Variants in PGLYRP4 observed in about 807,000 individuals in gnomAD.
PGLYRP4 encodes the protein peptidoglycan recognition protein 4, also known as PGRP-I-beta.
PGLYRP4 carries 39 observed loss-of-function variants against 41.2 expected under a neutral mutation model. The ratio of observed to expected loss-of-function variants is 0.95; its 90% CI spans 0.73 to 1.24. PGLYRP4 has a LOEUF of 1.24. Among genes scored for constraint, PGLYRP4 ranks in the 50% most tolerant of loss-of-function variants. The pLI, the probability that PGLYRP4 is intolerant of heterozygous loss-of-function variation, is 0.00. For missense variants in PGLYRP4, 467 were observed against 460.7 expected, an observed-to-expected ratio of 1.01 and a Z score of -0.13; for synonymous variants, 202 against 186.8, an observed-to-expected ratio of 1.08 and a Z score of -0.66.
chr1:153,341,845 G>A lies in PGLYRP4; in HGVS notation c.473-66C>T, dbSNP rs982102703. On this transcript the variant is annotated intron_variant, in intron 5 of 8. Coordinates refer to ENST00000359650, the MANE Select transcript of PGLYRP4 (RefSeq NM_020393.4). ...AGTTTCAGGGGATCTTTTGGGGAAG[G>A]AGAAGATGCTCTGCCAGCCCCTGCA... The A allele has an allele frequency of 4.6e-6, 7 of 1,513,886 alleles. 1 individual carries two copies. In the African/African-American group the frequency reaches 5.5e-5, roughly 12 times the overall value. The allele number at this position is 1,513,886 out of a possible 1,614,324, so 93.8% of individuals were successfully genotyped here.
At chr1:153,340,674 C>G in intron 6 of PGLYRP4, 95 bp from the exon 7 acceptor site, 1 of 1,248,464 alleles carries the variant, frequency 8.0e-7, no homozygotes, top group Non-Finnish European at 1.1e-6. Flanking sequence ...GGACCCTCAA[C>G]TTCCCAAACC....
chr1:153,345,272 C>T lies in PGLYRP4; in HGVS notation c.250G>A (p.Val84Ile). 2 of 1,614,168 alleles carry T rather than the reference C, an allele frequency of 1.2e-6. No homozygotes were observed. The highest frequency in any genetic ancestry group is 1.7e-6 in the Non-Finnish European group (2 of 1,180,008). ...TGGTCGTGACACTCCAGTCCAGGGA[C>T]ATGGTGTATAACAAGGACATTCACT... ...TPVNVLVIHH[V>I]PGLECHDQTV... The change falls in exon 4 of 9, where the codon GTC (valine) becomes ATC (isoleucine). Residue 84 changes from valine to isoleucine, a missense_variant. Coordinates refer to ENST00000359650, the MANE Select transcript of PGLYRP4 (RefSeq NM_020393.4).
At chr1:153,341,436 A>G (rs3014859) in intron 6 of PGLYRP4, among the ~76,000 whole-genome samples, 191 bp downstream of exon 6, 123,196 of 152,186 alleles carry the variant, frequency 0.81, 50,189 homozygotes, top group Middle Eastern at 0.87. Flanking sequence ...GAGGAATCTG[A>G]GGGACAAAGA....
chr1:153,341,570 C>T lies in PGLYRP4; in HGVS notation c.625+57G>A, dbSNP rs184337191. On this transcript the variant is annotated intron_variant, in intron 6 of 8. Transcript: ENST00000359650. ...AAAAGGTCACTCCCAATGGTATTTG[C>T]GAGTTAGTTGGGGTGAGCCCAGTGG... The T allele has an allele frequency of 2.0e-3, 2,937 of 1,480,828 alleles. 13 individuals are homozygous for T. The highest frequency in any genetic ancestry group is 2.4e-3 in the Non-Finnish European group (2,563 of 1,084,702). The allele number at this position is 1,480,828 out of a possible 1,614,324, so 91.7% of individuals were successfully genotyped here.
intron 5 of PGLYRP4, among the ~76,000 whole-genome samples, chr1:153,342,104 A>C (rs752195258): frequency 6.6e-6 from 1 of 152,180 alleles, no homozygotes; most frequent in African/African-American, 2.4e-5. Context: ...CCCTCCAGGC[A>C]TGTGTCAGGC....
At chr1:153,345,586 C>T (rs1273431080) in intron 3 of PGLYRP4, among the ~76,000 whole-genome samples, 3 of 152,174 alleles carry the variant, frequency 2.0e-5, no homozygotes, top group Admixed American at 6.5e-5. Flanking sequence ...GAGCCTAATG[C>T]TTTGCTCCCC....
intron 3 of PGLYRP4, 28 bp from the exon 4 acceptor site, chr1:153,345,410 C>A (rs1451411322): frequency 6.3e-7 from 1 of 1,589,036 alleles, no homozygotes; most frequent in Non-Finnish European, 8.6e-7. Context: ...GCGCACCTGC[C>A]CCATCACTAC....
chr1:153,332,857 A>G (rs1245357874), intron 8 of PGLYRP4, among the ~76,000 whole-genome samples: 1 of 152,184 alleles, frequency 6.6e-6, no homozygotes, highest in Non-Finnish European at 1.5e-5. Context: ...CAACATACCA[A>G]AGCCTCTGGG....
Position 153,343,396 on chromosome 1 carries a change from C to G in PGLYRP4, c.354-188G>C, listed in dbSNP as rs184253312. The stretch of plus-strand genomic sequence containing the variant: ...ACTAGTCCTTAGAATTCAGAAGGAC[C>G]CACTCTCACACTCCCTACCCCCTTC... On this transcript the variant is annotated intron_variant, in intron 4 of 8. Transcript: ENST00000359650. Among the ~76,000 whole-genome samples the G allele has an allele frequency of 6.6e-5, 10 of 152,254 alleles. No homozygotes were observed. In the South Asian group the frequency reaches 1.2e-3, roughly 19 times the overall value.
rs751451283 is a variant in PGLYRP4 at position 153,330,933 on chromosome 1, T to C, written c.956A>G (p.Asn319Ser). 1 of 1,613,082 alleles carries C rather than the reference T, an allele frequency of 6.2e-7. No homozygotes were observed. The highest frequency in any genetic ancestry group is 1.7e-5 in the Admixed American group (1 of 59,954). The change falls in exon 9 of 9, where the codon AAT (asparagine) becomes AGT (serine). Residue 319 changes from asparagine to serine, a missense_variant. Coordinates refer to ENST00000359650, the MANE Select transcript of PGLYRP4 (RefSeq NM_020393.4). ...FMGTFTGIPP[N>S]AAALEAAQDL... ...TTGGGCTGCCTCTAGTGCTGCAGCATTGGGTGGTATACCTGCAAAACACAG... is the reference window on the plus strand; with the variant it reads ...TTGGGCTGCCTCTAGTGCTGCAGCACTGGGTGGTATACCTGCAAAACACAG...
At position 153,330,167 on chromosome 1, in the gene PGLYRP4, A is replaced by G. The variant is rs1660275897; in HGVS notation, c.*600T>C. ...TTCATCCATTTCTCTAATAAACATC[A>G]GTAGAACCCATTAAATTTCAGACAC... is the stretch of plus-strand genomic sequence containing the variant. On this transcript the variant is annotated 3_prime_UTR_variant, in exon 9 of 9. Coordinates refer to ENST00000359650, the MANE Select transcript of PGLYRP4 (RefSeq NM_020393.4). The G allele has an allele frequency of 6.6e-6, 1 of 152,270 alleles. No individual in the cohort carries two copies. Among genetic ancestry groups the G allele is most frequent in the Admixed American group, 6.5e-5 (1 of 15,292 alleles). The allele number at this position is 152,270 out of a possible 1,614,324, so 9.4% of individuals were successfully genotyped here. A position where few individuals can be genotyped will look rare whatever the true frequency, so the allele number is the denominator to read the frequency against.
At chr1:153,331,708 C>T (rs1172718047) in intron 8 of PGLYRP4, 9 of 152,516 alleles carry the variant, frequency 5.9e-5, no homozygotes, top group East Asian at 1.9e-4. Context: ...CATGCAAATT[C>T]GTGAAGCATT....
In PGLYRP4 at chr1:153,341,707, A is replaced by G. The variant is rs200068787; in HGVS notation, c.545T>C (p.Leu182Pro). ...LITYAVQKGH[L>P]SSSYVQPLLG... The stretch of plus-strand genomic sequence containing the variant: ...AAGTGGCTGAACATAACTGGATGAC[A>G]GGTGGCCCTTCTGGACAGCATAGGT... Residue 182 changes from leucine to proline, a missense_variant, in exon 6 of 9, where the codon CTG becomes CCG. Coordinates refer to ENST00000359650, the MANE Select transcript of PGLYRP4 (RefSeq NM_020393.4). 13 of 1,613,970 alleles carry G rather than the reference A, an allele frequency of 8.1e-6. No homozygotes were observed. The African/African-American group carries it at 1.2e-4, about 15-fold the overall frequency.
chr1:153,346,847 T>C (rs190976290), intron 2 of PGLYRP4, among the ~76,000 whole-genome samples: 2 of 152,238 alleles, frequency 1.3e-5, no homozygotes, highest in Middle Eastern at 3.2e-3. Context: ...AGGTGCATTA[T>C]CTCATTTAAT....
chr1:153,337,408 A>G (rs1326681413), intron 7 of PGLYRP4, 109 bp from the exon 8 acceptor site: 5 of 680,658 alleles, frequency 7.3e-6, no homozygotes, highest in African/African-American at 5.4e-5. Context: ...TTGATTATCT[A>G]TTGGATTCTA....
chr1:153,337,386 C>T (rs1660612972), intron 7 of PGLYRP4, 87 bp from the exon 8 acceptor site: 2 of 763,288 alleles, frequency 2.6e-6, no homozygotes, highest in Non-Finnish European at 4.3e-6. Flanking sequence ...CATGTCTTTA[C>T]TACTTCAGAC....
chr1:153,343,954 T>C (rs1009493505), intron 4 of PGLYRP4, among the ~76,000 whole-genome samples: 11 of 152,150 alleles, frequency 7.2e-5, no homozygotes, highest in Admixed American at 2.6e-4. Context: ...AATAAGCACA[T>C]TCCTTTCCCT....
intron 3 of PGLYRP4, among the ~76,000 whole-genome samples, 192 bp downstream of exon 3, chr1:153,345,910 C>A (rs1428132196): frequency 6.6e-6 from 1 of 152,162 alleles, no homozygotes; most frequent in African/African-American, 2.4e-5. Flanking sequence ...GTTTCTAGCC[C>A]TCCAGCACCA....
At chr1:153,332,953 T>TA (rs34434338) in intron 8 of PGLYRP4, among the ~76,000 whole-genome samples, 62,332 of 151,720 alleles carry the variant, frequency 0.41, 13,321 homozygotes, top group Non-Finnish European at 0.47. Flanking sequence ...ATTAACAACC[T>TA]ATGTCACAAC....
Sources: allele counts gnomAD v4.1 joint callset (sites outside exome capture counted in the v4.1 genomes callset), GRCh38; gene constraint gnomAD v4.1.1; transcripts MANE v1.5; gene names NCBI Gene and HGNC (gene_info 2026-07-23, HGNC 2026-07-21).